NDST1: variants seen among roughly 807,000 people sequenced by gnomAD.
NDST1 encodes the protein N-deacetylase and N-sulfotransferase 1, also known as bifunctional heparan sulfate N-deacetylase/N-sulfotransferase 1.
NDST1 carries 35 observed loss-of-function variants against 92.8 expected under a neutral mutation model. That is an observed-to-expected ratio of 0.38 (90% CI 0.29 to 0.50). The LOEUF (loss-of-function observed/expected upper bound fraction) is 0.50, where lower values mean the gene tolerates loss of function less well. Ranked by LOEUF, NDST1 falls within the 20% of genes least tolerant of loss-of-function variation. The probability of loss-of-function intolerance (pLI) is 0.94; values close to 1 mark genes in which losing one functional copy is unlikely to be tolerated. For synonymous variants in NDST1, 493 were observed against 500.3 expected, an observed-to-expected ratio of 0.99 and a Z score of 0.19; for missense variants, 822 against 1,182.7, an observed-to-expected ratio of 0.69 and a Z score of 4.47.
Position 150,553,381 on chromosome 5 carries a change from C to T in NDST1, c.*49C>T, listed in dbSNP as rs1233193790. 6.2e-7 allele frequency: 1 copy of T among 1,602,978 alleles called. No individual in the cohort carries two copies. The highest frequency in any genetic ancestry group is 1.7e-5 in the Admixed American group (1 of 59,624). On this transcript the variant is annotated 3_prime_UTR_variant, in exon 15 of 15. Transcript: ENST00000261797. The surrounding 1 kb of genome is among the most constrained non-coding windows in gnomAD (Gnocchi z 4.2). The stretch of plus-strand genomic sequence containing the variant: ...AACGTTTGTGAAAGCTGGGACATCC[C>T]ACCACACGCTGAGCCAGACCTGCAG...
intron 5 of NDST1, chr5:150,535,498 A>C (rs1164723589): frequency 1.3e-6 from 1 of 752,812 alleles, no homozygotes; most frequent in Non-Finnish European, 1.6e-6. Flanking sequence ...TTCTAATCCC[A>C]GCTCTGCCAG....
chr5:150,530,979 C>T (rs1754704921), intron 3 of NDST1, among the ~76,000 whole-genome samples: 1 of 152,082 alleles, frequency 6.6e-6, no homozygotes, highest in South Asian at 2.1e-4. Context: ...CCCTCTTTCA[C>T]ACACTCAGCT....
intron 2 of NDST1, among the ~76,000 whole-genome samples, chr5:150,522,001 A>G (rs1754258714): frequency 1.3e-5 from 2 of 152,208 alleles, no homozygotes; most frequent in South Asian, 4.1e-4. Context: ...CGTGGGGTCC[A>G]GCACACAGCA....
At position 150,548,211 on chromosome 5, in the gene NDST1, C is replaced by T. The variant is rs746605653; in HGVS notation, c.2146-7C>T. 5 of 1,614,180 alleles carry T rather than the reference C, an allele frequency of 3.1e-6. No individual in the cohort carries two copies. The South Asian group carries it at 4.4e-5, about 14-fold the overall frequency. On this transcript the variant is annotated splice_region_variant and splice_polypyrimidine_tract_variant and intron_variant, in intron 11 of 14. Transcript: ENST00000261797. ...GTGGCATGCTGACCCTCTTTCCTTG[C>T]CTGCAGCACCAGCGAGCCCATGACG...
chr5:150,539,630 G>A (rs1755154047), intron 7 of NDST1: 3 of 985,322 alleles, frequency 3.0e-6, no homozygotes, highest in Non-Finnish European at 3.6e-6. Flanking sequence ...TTGCTCATGT[G>A]TGTATACACA....
rs1294060446 is a variant in NDST1, at chr5:150,556,940, G to A, written c.*3608G>A. 2 of 152,644 alleles carry A rather than the reference G, an allele frequency of 1.3e-5. No individual in the cohort carries two copies. The highest frequency in any genetic ancestry group is 6.5e-5 in the Admixed American group (1 of 15,286). The allele number at this position is 152,644 out of a possible 1,614,324, so 9.5% of individuals were successfully genotyped here. On this transcript the variant is annotated 3_prime_UTR_variant, in exon 15 of 15. Transcript: ENST00000261797. ...TCACTTTGAGTTTTTAAATGACATT[G>A]TTTTTGAGGCCCTAGGCCTGCTGTC...
chr5:150,516,245 C>T (rs1018534132), intron 1 of NDST1, among the ~76,000 whole-genome samples: 8 of 152,208 alleles, frequency 5.3e-5, no homozygotes, highest in African/African-American at 1.9e-4. Context: ...ATGAGCTGCC[C>T]TCCCCTGCCT....
At chr5:150,538,205 T>G (rs1581394818) in intron 6 of NDST1, among the ~76,000 whole-genome samples, 2 of 149,278 alleles carry the variant, frequency 1.3e-5, no homozygotes, top group African/African-American at 2.5e-5. Context: ...TGGAGGGGAG[T>G]GAGGGATGGT....
At chr5:150,529,848 G>C (rs1455872374) in intron 3 of NDST1, among the ~76,000 whole-genome samples, 1 of 152,234 alleles carries the variant, frequency 6.6e-6, no homozygotes. Context: ...TGGCCCTGGG[G>C]CCTGGAAGGA....
intron 9 of NDST1, 48 bp downstream of exon 9, chr5:150,541,714 C>G: frequency 6.4e-7 from 1 of 1,556,134 alleles, no homozygotes; most frequent in African/African-American, 1.4e-5. Flanking sequence ...CCTGCTGTCT[C>G]AGCCACAGAA....
At chr5:150,522,782 G>A (rs964482417) in intron 2 of NDST1, among the ~76,000 whole-genome samples, 3 of 152,188 alleles carry the variant, frequency 2.0e-5, no homozygotes, top group African/African-American at 7.2e-5. Context: ...AGGGTAGTGG[G>A]GGTGGGAGCT....
intron 1 of NDST1, among the ~76,000 whole-genome samples, chr5:150,502,736 G>T (rs916286843): frequency 6.6e-6 from 1 of 151,878 alleles, no homozygotes; most frequent in Non-Finnish European, 1.5e-5. Flanking sequence ...AAGCCTCATT[G>T]TCACTGTGAT....
In NDST1 at chr5:150,521,779, G is replaced by A. The variant is rs1321139467; in HGVS notation, c.513+12G>A. 3 of 1,612,006 alleles carry A rather than the reference G, an allele frequency of 1.9e-6. No individual in the cohort carries two copies. Among genetic ancestry groups the A allele is most frequent in the African/African-American group, 2.7e-5 (2 of 74,930 alleles). ...TTGGCTTCTTCAAGGTACACAAGAA[G>A]CAGGGTCCCCGAGCAGTTCAGAGCC... On this transcript the variant is annotated intron_variant, in intron 2 of 14. Transcript: ENST00000261797. The surrounding 1 kb of genome is among the most constrained non-coding windows in gnomAD (Gnocchi z 5.9).
chr5:150,521,788 C>A lies in NDST1; in HGVS notation c.513+21C>A. 1 of 1,610,840 alleles carries A rather than the reference C, an allele frequency of 6.2e-7. No homozygotes were observed. Among genetic ancestry groups the A allele is most frequent in the Non-Finnish European group, 8.5e-7 (1 of 1,180,000 alleles). On this transcript the variant is annotated intron_variant, in intron 2 of 14. Transcript: ENST00000261797. The surrounding 1 kb of genome is among the most constrained non-coding windows in gnomAD (Gnocchi z 5.9). ...TCAAGGTACACAAGAAGCAGGGTCC[C>A]CGAGCAGTTCAGAGCCCCCTCTGCA...
rs62383060 is a variant in NDST1, at chr5:150,553,150, G to A, written c.2530-63G>A. 1,493 of 1,582,492 alleles carry A rather than the reference G, an allele frequency of 9.4e-4. 3 individuals are homozygous for A. Among genetic ancestry groups the A allele is most frequent in the Middle Eastern group, 2.5e-3 (15 of 5,924 alleles). On this transcript the variant is annotated intron_variant, in intron 14 of 14. Transcript: ENST00000261797. The surrounding 1 kb of genome is among the most constrained non-coding windows in gnomAD (Gnocchi z 4.2). ...GCCACCGTGCCCGGCCGAGCATGGCGATTTTTAGAGGAGGTCACTCTTAAG... is the reference window on the plus strand; with the variant it reads ...GCCACCGTGCCCGGCCGAGCATGGCAATTTTTAGAGGAGGTCACTCTTAAG...
Position 150,534,607 on chromosome 5 carries a change from C to T in NDST1, c.1097-260C>T, listed in dbSNP as rs540654216. Among the ~76,000 whole-genome samples the T allele has an allele frequency of 1.5e-4, 23 of 152,292 alleles. No individual in the cohort carries two copies. In the South Asian group the frequency reaches 2.1e-3, roughly 14 times the overall value. Reference sequence around the variant, plus strand: ...ACCCTTGAGATCATTGACTCCAGACCCTGAATTGTGCAGATGGTCCCAAGG... The same window carrying T: ...ACCCTTGAGATCATTGACTCCAGACTCTGAATTGTGCAGATGGTCCCAAGG... On this transcript the variant is annotated intron_variant, in intron 4 of 14. Coordinates refer to ENST00000261797, the MANE Select transcript of NDST1 (RefSeq NM_001543.5).
At chr5:150,501,146 C>T (rs911826915) in intron 1 of NDST1, among the ~76,000 whole-genome samples, 2 of 152,216 alleles carry the variant, frequency 1.3e-5, no homozygotes, top group African/African-American at 2.4e-5. Context: ...CCTCTGTGCC[C>T]GCTTCCGCCT....
At position 150,521,589 on chromosome 5, in the gene NDST1, G is replaced by T; in HGVS notation, c.335G>T (p.Arg112Leu). The T allele has an allele frequency of 1.9e-6, 3 of 1,614,020 alleles. No individual in the cohort carries two copies. Among genetic ancestry groups the T allele is most frequent in the South Asian group, 2.2e-5 (2 of 91,080 alleles). ...AILESSRFKY[R>L]TEIAPGKGDM... ...CTGGAGTCCAGCCGCTTCAAATACC[G>T]CACAGAGATTGCGCCGGGCAAGGGT... Residue 112 changes from arginine (R) to leucine (L), a missense_variant, in exon 2 of 15, where the codon CGC becomes CTC. Transcript: ENST00000261797. The surrounding 1 kb of genome is among the most constrained non-coding windows in gnomAD (Gnocchi z 5.9).
rs148705339 is a variant in NDST1, at chr5:150,512,527, T to G, written c.-388+4301T>G. ...CAGGATGAGGAAACAGGTCGTTTGC[T>G]TGTTCCGCACTCCCAGAAAGATCTC... On this transcript the variant is annotated intron_variant, in intron 1 of 14. Transcript: ENST00000261797. 2.1e-3 allele frequency among the ~76,000 whole-genome samples: 314 copies of G among 152,366 alleles called. 2 individuals are homozygous for G. Among genetic ancestry groups the G allele is most frequent in the African/African-American group, 7.0e-3 (293 of 41,588 alleles).
Sources: gnomAD v4.1 joint callset for allele counts (sites outside exome capture counted in the v4.1 genomes callset) on GRCh38, gnomAD v4.1.1 for gene constraint, Gnocchi (gnomAD v3.1) non-coding constraint, MANE v1.5 for transcripts, NCBI Gene and HGNC (gene_info 2026-07-23, HGNC 2026-07-21) for gene names.